The following CATSPERB variants were observed in gnomAD, a reference collection of about 807,000 sequenced individuals.
The protein encoded by CATSPERB is cation channel sperm-associated auxiliary subunit beta.
A neutral mutation model predicts 128.3 loss-of-function variants in CATSPERB; 93 were observed. That is an observed-to-expected ratio of 0.72 (90% CI 0.61 to 0.86). CATSPERB has a LOEUF of 0.86. CATSPERB is among the 40% of genes least tolerant of loss of function. CATSPERB has a pLI of 0.00. For missense variants in CATSPERB, 1,153 were observed against 1,329.5 expected (o/e 0.87, Z 2.06); for synonymous variants, 381 against 448.8 (o/e 0.85, Z 1.91).
chr14:91,676,954 G>C (rs1285645), intron 11 of CATSPERB, among the ~76,000 whole-genome samples: 8,587 of 152,184 alleles, frequency 0.056, 274 homozygotes, highest in Middle Eastern at 0.092. Flanking sequence ...AAAAACCTGA[G>C]AAAAACAAGC....
At chr14:91,684,064 C>A in intron 10 of CATSPERB, 121 bp from the exon 11 acceptor site, 7 of 587,736 alleles carry the variant, frequency 1.2e-5, no homozygotes, top group South Asian at 2.5e-5. Context: ...GGCAAAGAGA[C>A]AAAAATTGTA....
At chr14:91,582,633 T>TCC (rs1301380552) in intron 26 of CATSPERB, among the ~76,000 whole-genome samples, 2 of 152,208 alleles carry the variant, frequency 1.3e-5, no homozygotes, top group African/African-American at 4.8e-5. Context: ...TGCCCACCTT[T>TCC]GAGTGGTACC....
Position 91,683,948 on chromosome 14 carries a change from A to G in CATSPERB, c.865-5T>C. 1 of 1,566,440 alleles carries G rather than the reference A, an allele frequency of 6.4e-7. No homozygotes were observed. Among genetic ancestry groups the G allele is most frequent in the Non-Finnish European group, 8.7e-7 (1 of 1,146,058 alleles). ...TTTTCCTTTCACATAGTCAACCTAC[A>G]TAAATAAATAAAATATCACTTAGCC... On this transcript the variant is annotated splice_polypyrimidine_tract_variant and splice_region_variant and intron_variant, in intron 10 of 26. Coordinates refer to ENST00000256343, the MANE Select transcript of CATSPERB (RefSeq NM_024764.4).
intron 4 of CATSPERB, among the ~76,000 whole-genome samples, chr14:91,722,317 C>G (rs1473551392): frequency 6.6e-6 from 1 of 152,076 alleles, no homozygotes; most frequent in Admixed American, 6.5e-5. Context: ...AATGGATAAA[C>G]AAAATGTGGT....
intron 2 of CATSPERB, among the ~76,000 whole-genome samples, chr14:91,728,776 C>T (rs979181463): frequency 3.9e-5 from 6 of 152,202 alleles, no homozygotes; most frequent in Non-Finnish European, 5.9e-5. Context: ...GGAAACCACA[C>T]AAGTGTAACC....
chr14:91,703,851 C>T (rs925623952), intron 7 of CATSPERB, among the ~76,000 whole-genome samples: 1 of 152,078 alleles, frequency 6.6e-6, no homozygotes, highest in Non-Finnish European at 1.5e-5. Context: ...TTATTGAACT[C>T]AAGGAAGGAT....
At chr14:91,672,834 C>G (rs372029715) in intron 13 of CATSPERB, 33 bp downstream of exon 13, 158 of 1,476,686 alleles carry the variant, frequency 1.1e-4, no homozygotes, top group Non-Finnish European at 1.3e-4. Context: ...GTTGTCATGT[C>G]AAGATAAATT....
chr14:91,699,604 G>A (rs1467208736), intron 7 of CATSPERB, among the ~76,000 whole-genome samples: 1 of 145,842 alleles, frequency 6.9e-6, no homozygotes, highest in Non-Finnish European at 1.5e-5. Flanking sequence ...ATGGAGTTTT[G>A]CTCTTGTCAC....
At position 91,696,884 on chromosome 14, in the gene CATSPERB, T is replaced by G. The variant is rs148462149; in HGVS notation, c.617-3405A>C. ...AGGCAGTAAAGGCAAAGCATACAAA[T>G]GCAGGTATGATGGCAGATTTCCAGT... On this transcript the variant is annotated intron_variant, in intron 7 of 26. Transcript: ENST00000256343. Among the ~76,000 whole-genome samples, 3 of 152,312 alleles carry G rather than the reference T, an allele frequency of 2.0e-5. No individual in the cohort carries two copies. In the East Asian group the frequency reaches 5.8e-4, roughly 29 times the overall value.
At chr14:91,677,211 A>G (rs1321060910) in intron 11 of CATSPERB, among the ~76,000 whole-genome samples, 5 of 152,236 alleles carry the variant, frequency 3.3e-5, no homozygotes, top group Admixed American at 2.6e-4. Flanking sequence ...AGAAAAGCCA[A>G]AATTGACAAA....
At chr14:91,663,488 A>G (rs1450686807) in intron 14 of CATSPERB, among the ~76,000 whole-genome samples, 1 of 152,036 alleles carries the variant, frequency 6.6e-6, no homozygotes, top group East Asian at 1.9e-4. Context: ...TACTAAAAAT[A>G]CAAAAAATTA....
intron 11 of CATSPERB, among the ~76,000 whole-genome samples, chr14:91,674,668 A>T (rs908675361): frequency 2.4e-4 from 36 of 152,258 alleles, no homozygotes; most frequent in Middle Eastern, 3.4e-3. Context: ...TCGACACTCC[A>T]TGCACTGCTG....
At chr14:91,611,175 A>G (rs1372277422) in intron 20 of CATSPERB, among the ~76,000 whole-genome samples, 1 of 152,228 alleles carries the variant, frequency 6.6e-6, no homozygotes, top group Non-Finnish European at 1.5e-5. Flanking sequence ...ATACAAAAAG[A>G]CATGACAGAA....
At chr14:91,585,453 AT>A (rs1381431675) in intron 26 of CATSPERB, among the ~76,000 whole-genome samples, 2 of 151,902 alleles carry the variant, frequency 1.3e-5, no homozygotes, top group Non-Finnish European at 2.9e-5. Flanking sequence ...AAGTTCACTG[AT>A]TTTTTTCCTG....
chr14:91,683,709 A>T (rs1375334582), intron 11 of CATSPERB, among the ~76,000 whole-genome samples, 168 bp downstream of exon 11: 1 of 152,026 alleles, frequency 6.6e-6, no homozygotes, highest in African/African-American at 2.4e-5. Context: ...CAGACCTTGC[A>T]CCCAGCATCA....
At chr14:91,644,156 C>G (rs938316946) in intron 15 of CATSPERB, among the ~76,000 whole-genome samples, 11 of 133,680 alleles carry the variant, frequency 8.2e-5, no homozygotes, top group Non-Finnish European at 1.3e-4. Flanking sequence ...GGTCTTGACT[C>G]TTTATCCAAT....
chr14:91,629,649 T>C (rs1450021219), intron 17 of CATSPERB, among the ~76,000 whole-genome samples: 1 of 152,216 alleles, frequency 6.6e-6, no homozygotes, highest in African/African-American at 2.4e-5. Flanking sequence ...CTCTATTTTC[T>C]GCTCAATTTT....
intron 22 of CATSPERB, chr14:91,603,234 G>A: frequency 1.1e-6 from 1 of 912,430 alleles, no homozygotes; most frequent in South Asian, 1.3e-5. Flanking sequence ...TCTTTTCATT[G>A]TTTCTCTCAA....
Position 91,610,688 on chromosome 14 carries a change from C to T in CATSPERB, c.2401-11G>A. On this transcript the variant is annotated splice_polypyrimidine_tract_variant and intron_variant, in intron 20 of 26. Coordinates refer to ENST00000256343, the MANE Select transcript of CATSPERB (RefSeq NM_024764.4). ...CAGTGAAGTTGAACCCTGGAAATAA[C>T]CAAATAAATGAAGGTTATTTAAAGT... 1 of 1,612,932 alleles carries T rather than the reference C, an allele frequency of 6.2e-7. No individual in the cohort carries two copies. The highest frequency in any genetic ancestry group is 1.1e-5 in the South Asian group (1 of 90,966).
Sources: allele counts gnomAD v4.1 joint callset (sites outside exome capture counted in the v4.1 genomes callset), GRCh38; gene constraint gnomAD v4.1.1; transcripts MANE v1.5; gene names NCBI Gene and HGNC (gene_info 2026-07-23, HGNC 2026-07-21).